The following FOCAD variants were observed in gnomAD, a reference collection of about 807,000 sequenced individuals.
The protein encoded by FOCAD is KIAA1797.
A neutral mutation model predicts 225.6 loss-of-function variants in FOCAD; 198 were observed. That is an observed-to-expected ratio of 0.88 (90% confidence interval 0.78 to 0.99). The LOEUF (loss-of-function observed/expected upper bound fraction) is 0.99. Ranked by LOEUF, FOCAD falls within the 50% of genes least tolerant of loss-of-function variation. The pLI is 0.00. For synonymous variants in FOCAD, 897 were observed against 755.0 expected, an observed-to-expected ratio of 1.19 and a Z score of -3.08; for missense variants, 2,713 against 2,123.6, an observed-to-expected ratio of 1.28 and a Z score of -5.46.
At position 20,781,839 on chromosome 9, in the gene FOCAD, T is replaced by C. The variant is rs779194940; in HGVS notation, c.1107T>C (p.Ser369=). 1 of 1,614,164 alleles carries C rather than the reference T, an allele frequency of 6.2e-7. No individual in the cohort carries two copies. Among genetic ancestry groups the C allele is most frequent in the South Asian group, 1.1e-5 (1 of 91,086 alleles). Residue 369 remains serine, a synonymous_variant, in exon 10 of 44, where the codon TCT becomes TCC. Coordinates refer to ENST00000338382, the MANE Select transcript of FOCAD (RefSeq NM_001375567.1). ...CTACTGCCTTGGAAGACTGTATATC[T>C]GTGGATGAAGAAGGTCCCTCTAGGC... is the stretch of plus-strand genomic sequence containing the variant. The part of the protein sequence containing the change: ...LSSTALEDCI[S]VDEEGPSRQQ...
intron 11 of FOCAD, among the ~76,000 whole-genome samples, chr9:20,815,767 A>C (rs1823668768): frequency 6.6e-6 from 1 of 152,154 alleles, no homozygotes; most frequent in Admixed American, 6.6e-5. Flanking sequence ...TTAAAGGCGA[A>C]ATCTGAGCAT....
Position 20,907,260 on chromosome 9 carries a change from T to C in FOCAD, c.2718+18T>C. On this transcript the variant is annotated intron_variant, in intron 22 of 43. Coordinates refer to ENST00000338382, the MANE Select transcript of FOCAD (RefSeq NM_001375567.1). ...TTTTACAGGTAATGAAACCACAGGA[T>C]AGGTTTGCTTTGGCGAAATGTCTCC... is the stretch of plus-strand genomic sequence containing the variant. 6.2e-7 allele frequency: 1 copy of C among 1,603,210 alleles called. No individual in the cohort carries two copies. Among genetic ancestry groups the C allele is most frequent in the East Asian group, 2.2e-5 (1 of 44,786 alleles).
At chr9:20,855,745 CCT>C (rs937807123) in intron 15 of FOCAD, among the ~76,000 whole-genome samples, 1 of 150,906 alleles carries the variant, frequency 6.6e-6, no homozygotes. Context: ...TTCCCCAGCT[CCT>C]TGCCACCCTT....
At chr9:20,776,053 T>A (rs534767218) in intron 8 of FOCAD, among the ~76,000 whole-genome samples, 5 of 152,030 alleles carry the variant, frequency 3.3e-5, no homozygotes, top group Non-Finnish European at 7.4e-5. Flanking sequence ...AGCAAGCAGT[T>A]GGAGAGGGAC....
intron 23 of FOCAD, among the ~76,000 whole-genome samples, 187 bp downstream of exon 23, chr9:20,913,141 TACATACACACACAC>T (rs1446176195): frequency 3.9e-4 from 39 of 100,584 alleles, no homozygotes; most frequent in African/African-American, 1.6e-3. Flanking sequence ...TTATAAATTA[TACATACACACACAC>T]ACACACACAC....
At chr9:20,659,195 AG>A (rs1220392184) in intron 2 of FOCAD, among the ~76,000 whole-genome samples, 1 of 151,852 alleles carries the variant, frequency 6.6e-6, no homozygotes, top group Non-Finnish European at 1.5e-5. Flanking sequence ...CCTCCAGCCT[AG>A]GGAACAGAGT....
chr9:20,805,679 T>A (rs1156783033), intron 11 of FOCAD, among the ~76,000 whole-genome samples: 2 of 152,180 alleles, frequency 1.3e-5, no homozygotes, highest in African/African-American at 4.8e-5. Context: ...TAAATTCTGT[T>A]AGATTTCTCA....
At chr9:20,950,525 A>G (rs1837592032) in intron 33 of FOCAD, among the ~76,000 whole-genome samples, 1 of 152,186 alleles carries the variant, frequency 6.6e-6, no homozygotes, top group Non-Finnish European at 1.5e-5. Flanking sequence ...ATGTGGGAGA[A>G]AAAATCTGTA....
In FOCAD at chr9:20,820,016, T is replaced by G; in HGVS notation, c.1560+116T>G. 5 of 587,442 alleles carry G rather than the reference T, an allele frequency of 8.5e-6. No homozygotes were observed. In the South Asian group the frequency reaches 1.2e-4, roughly 14 times the overall value. 36.4% of individuals were successfully genotyped at this position (587,442 alleles called of 1,614,324 possible). ...AATTTTGCCATAGTCACTACTTCTC[T>G]TGTTGAGCTAGGAGGTAATATCTAA... On this transcript the variant is annotated intron_variant, in intron 12 of 43. Coordinates refer to ENST00000338382, the MANE Select transcript of FOCAD (RefSeq NM_001375567.1).
At chr9:20,966,982 A>G (rs1051981115) in intron 35 of FOCAD, among the ~76,000 whole-genome samples, 3 of 151,390 alleles carry the variant, frequency 2.0e-5, no homozygotes, top group Non-Finnish European at 4.4e-5. Flanking sequence ...TCTTTTTTCA[A>G]GATATTTTTT....
chr9:20,776,698 C>A (rs1440344627), intron 8 of FOCAD, among the ~76,000 whole-genome samples: 1 of 152,156 alleles, frequency 6.6e-6, no homozygotes, highest in Admixed American at 6.5e-5. Flanking sequence ...TTTCAGAACT[C>A]TAAAAAGCTA....
chr9:20,729,792 A>T (rs531578267), intron 4 of FOCAD, among the ~76,000 whole-genome samples: 3 of 152,296 alleles, frequency 2.0e-5, no homozygotes, highest in African/African-American at 7.2e-5. Context: ...TTGTGCTTAA[A>T]TACAAGTGAC....
intron 10 of FOCAD, among the ~76,000 whole-genome samples, chr9:20,784,320 T>A (rs1195353048): frequency 6.6e-6 from 1 of 152,210 alleles, no homozygotes; most frequent in East Asian, 1.9e-4. Flanking sequence ...GTGTCTCTCC[T>A]ATGCTCTCTA....
intron 26 of FOCAD, 111 bp from the exon 27 acceptor site, chr9:20,929,247 C>A: frequency 1.3e-6 from 1 of 754,172 alleles, no homozygotes; most frequent in South Asian, 1.9e-5. Context: ...TTTTGGGTGT[C>A]GGCCGGGGTG....
chr9:20,968,658 C>A (rs966259670), intron 35 of FOCAD, among the ~76,000 whole-genome samples: 3 of 151,724 alleles, frequency 2.0e-5, no homozygotes, highest in African/African-American at 7.3e-5. Context: ...TCTAGGCTGT[C>A]GAACTCCTGA....
intron 1 of FOCAD, among the ~76,000 whole-genome samples, chr9:20,701,374 A>T (rs1325845693): frequency 2.0e-5 from 3 of 152,216 alleles, no homozygotes; most frequent in African/African-American, 4.8e-5. Flanking sequence ...CACCTGTCAC[A>T]TGGTGAGGTT....
chr9:20,757,420 T>C (rs1436742747), intron 5 of FOCAD, among the ~76,000 whole-genome samples: 2 of 152,206 alleles, frequency 1.3e-5, no homozygotes, highest in Admixed American at 6.5e-5. Context: ...TCTTTGAGAA[T>C]CCTTCAAATT....
chr9:20,776,677 C>G lies in FOCAD; in HGVS notation c.907-2004C>G, dbSNP rs1005244485. Among the ~76,000 whole-genome samples, 8 of 152,296 alleles carry G rather than the reference C, an allele frequency of 5.3e-5. No homozygotes were observed. In the South Asian group the frequency reaches 1.5e-3, roughly 28 times the overall value. Reference sequence around the variant, plus strand: ...TTTAAGTTCCATCCACTTAAAAATACTTCTGTTCCATTTCAGAACTCTAAA... The same window carrying G: ...TTTAAGTTCCATCCACTTAAAAATAGTTCTGTTCCATTTCAGAACTCTAAA... On this transcript the variant is annotated intron_variant, in intron 8 of 43. Coordinates refer to ENST00000338382, the MANE Select transcript of FOCAD (RefSeq NM_001375567.1).
At chr9:20,741,793 T>A (rs1827638868) in intron 5 of FOCAD, among the ~76,000 whole-genome samples, 1 of 151,438 alleles carries the variant, frequency 6.6e-6, no homozygotes, top group Non-Finnish European at 1.5e-5. Flanking sequence ...CATTTTAATA[T>A]TTCTGAATAA....
Sources: allele counts gnomAD v4.1 joint callset (sites outside exome capture counted in the v4.1 genomes callset), GRCh38; gene constraint gnomAD v4.1.1; transcripts MANE v1.5; gene names NCBI Gene and HGNC (gene_info 2026-07-23, HGNC 2026-07-21).